UGT3A1: variants seen among roughly 807,000 people sequenced by gnomAD.
The protein encoded by UGT3A1 is UDP-glycosyltransferase 3A1.
In UGT3A1, 40 loss-of-function variants were observed where a neutral mutation model predicts 37.6. That is an observed-to-expected ratio of 1.06 (90% confidence interval 0.83 to 1.38). The LOEUF (loss-of-function observed/expected upper bound fraction) is 1.38. UGT3A1 is among the 40% of genes most tolerant of loss of function. UGT3A1 has a pLI of 0.00. For synonymous variants in UGT3A1, 256 were observed against 232.3 expected (o/e 1.10, Z -0.93); for missense variants, 642 against 634.2 (o/e 1.01, Z -0.13).
intron 2 of UGT3A1, among the ~76,000 whole-genome samples, chr5:35,974,011 A>G (rs1315077881): frequency 6.6e-6 from 1 of 152,170 alleles, no homozygotes; most frequent in Admixed American, 6.6e-5. Context: ...GATTAAACAA[A>G]AGTATAACTT....
rs749443207 is a variant in UGT3A1, at chr5:35,954,291, G to A, written c.1483C>T (p.Leu495Phe). The change falls in exon 7 of 7, where the codon CTC (leucine) becomes TTC (phenylalanine). Residue 495 changes from leucine to phenylalanine, a missense_variant. Leu to Phe is a conservative substitution (Grantham distance 22). Transcript: ENST00000274278. ...LIDVFVFLLGLTLGTMWLCGK... is the reference protein window; with the variant it reads ...LIDVFVFLLGFTLGTMWLCGK... ...CAAAGCCACATAGTGCCCAGAGTGAGCCCCAGCAGAAACACAAAGACATCA... is the reference window on the plus strand; with the variant it reads ...CAAAGCCACATAGTGCCCAGAGTGAACCCCAGCAGAAACACAAAGACATCA... 4.3e-6 allele frequency: 7 copies of A among 1,614,146 alleles called. No individual in the cohort carries two copies. In the South Asian group the frequency reaches 7.7e-5, roughly 18 times the overall value.
rs1324559471 is a variant in UGT3A1 at position 35,955,390 on chromosome 5, ATCAG to A, written c.1295+251_1295+254del. On this transcript the variant is annotated intron_variant, in intron 6 of 6. Transcript: ENST00000274278. The stretch of plus-strand genomic sequence containing the variant: ...CACTAGAGGGACTCCCAAATATAAG[ATCAG>A]TCAAAGAGATCATGTGTATATAATT... The A allele has an allele frequency of 1.2e-5, 7 of 592,368 alleles. No homozygotes were observed. In the East Asian group the frequency reaches 1.9e-4, roughly 16 times the overall value. 36.7% of individuals were successfully genotyped at this position (592,368 alleles called of 1,614,324 possible). A position where few individuals can be genotyped will look rare whatever the true frequency, so the allele number is the denominator to read the frequency against.
chr5:35,960,420 G>T (rs929570559), intron 4 of UGT3A1, among the ~76,000 whole-genome samples: 4 of 152,194 alleles, frequency 2.6e-5, no homozygotes, highest in African/African-American at 9.6e-5. Context: ...AAATGGGAAA[G>T]TTCCCTGACC....
rs2149943342 is a variant in UGT3A1 at position 35,952,958 on chromosome 5, T to C, written c.*1244A>G. On this transcript the variant is annotated 3_prime_UTR_variant, in exon 7 of 7. Coordinates refer to ENST00000274278, the MANE Select transcript of UGT3A1 (RefSeq NM_152404.4). Reference sequence around the variant, plus strand: ...TTCTGCAGGAGCATTTGTAACAGTTTCATCTTTTGATCTGAATTGTTTCAA... The same window carrying C: ...TTCTGCAGGAGCATTTGTAACAGTTCCATCTTTTGATCTGAATTGTTTCAA... 6.6e-6 allele frequency: 1 copy of C among 152,346 alleles called. No individual in the cohort carries two copies. Among genetic ancestry groups the C allele is most frequent in the South Asian group, 2.1e-4 (1 of 4,824 alleles). 9.4% of individuals were successfully genotyped at this position (152,346 alleles called of 1,614,324 possible).
At chr5:35,990,473 C>T (rs1175765450) in intron 1 of UGT3A1, among the ~76,000 whole-genome samples, 1 of 151,980 alleles carries the variant, frequency 6.6e-6, no homozygotes, top group Non-Finnish European at 1.5e-5. Flanking sequence ...AAAACTGAGG[C>T]CCAAAATGCA....
rs575943225 is a variant in UGT3A1 at position 35,966,215 on chromosome 5, T to C, written c.312-298A>G. 2.0e-5 allele frequency among the ~76,000 whole-genome samples: 3 copies of C among 152,352 alleles called. No homozygotes were observed. In the East Asian group the frequency reaches 5.8e-4, roughly 29 times the overall value. Reference sequence around the variant, plus strand: ...GAGCCATCTCTGACCACAGCAGATCTCAGAGTTATATGTCTCCTTTATAAA... The same window carrying C: ...GAGCCATCTCTGACCACAGCAGATCCCAGAGTTATATGTCTCCTTTATAAA... On this transcript the variant is annotated intron_variant, in intron 3 of 6. Transcript: ENST00000274278.
Position 35,953,851 on chromosome 5 carries a change from T to G in UGT3A1, c.*351A>C. ...GATATGTCAAATATTTCCTGAGTTT[T>G]TTTATGAAAAGTGATAGAAGGAGAA... On this transcript the variant is annotated 3_prime_UTR_variant, in exon 7 of 7. Coordinates refer to ENST00000274278, the MANE Select transcript of UGT3A1 (RefSeq NM_152404.4). The G allele has an allele frequency of 4.9e-6, 1 of 203,016 alleles. No homozygotes were observed. 12.6% of individuals were successfully genotyped at this position (203,016 alleles called of 1,614,324 possible).
At chr5:35,972,824 C>A (rs1005182637) in intron 2 of UGT3A1, among the ~76,000 whole-genome samples, 14 of 150,906 alleles carry the variant, frequency 9.3e-5, no homozygotes, top group African/African-American at 3.2e-4. Flanking sequence ...AGAATGAGAT[C>A]AAGGCTTTAA....
In UGT3A1 at chr5:35,981,511, T is replaced by C. The variant is rs142417258; in HGVS notation, c.196+6939A>G. On this transcript the variant is annotated intron_variant, in intron 2 of 6. Transcript: ENST00000274278. ...TGGCACTGTGACCTTGCTCTAGAGA[T>C]CTGTGAAACTTTGAACTTGAGAGAG... Among the ~76,000 whole-genome samples the C allele has an allele frequency of 5.8e-3, 876 of 152,310 alleles. 14 individuals are homozygous for C. The highest frequency in any genetic ancestry group is 0.048 in the Middle Eastern group (14 of 294).
upstream of UGT3A1, among the ~76,000 whole-genome samples, chr5:35,991,859 TA>T (rs1561475171): frequency 6.6e-6 from 1 of 152,234 alleles, no homozygotes; most frequent in African/African-American, 2.4e-5. Flanking sequence ...AGTAGTGTTC[TA>T]ATTCTGAAAG....
At position 35,954,037 on chromosome 5, in the gene UGT3A1, G is replaced by T; in HGVS notation, c.*165C>A. 1 of 748,054 alleles carries T rather than the reference G, an allele frequency of 1.3e-6. No homozygotes were observed. The highest frequency in any genetic ancestry group is 2.1e-6 in the Non-Finnish European group (1 of 473,100). The allele number at this position is 748,054 out of a possible 1,614,324, so 46.3% of individuals were successfully genotyped here. On this transcript the variant is annotated 3_prime_UTR_variant, in exon 7 of 7. Coordinates refer to ENST00000274278, the MANE Select transcript of UGT3A1 (RefSeq NM_152404.4). ...AAGGGGCAAGTCAAGAAGCCTCAGT[G>T]GTGCGTGAAGATTTCTAAACAGAGG...
At chr5:35,955,575 A>T (rs1739318755) in intron 6 of UGT3A1, 70 bp downstream of exon 6, 6 of 1,551,808 alleles carry the variant, frequency 3.9e-6, no homozygotes, top group Non-Finnish European at 5.3e-6. Context: ...TGAAAAATAC[A>T]TACACAGTAT....
At chr5:35,980,125 G>A (rs1740460523) in intron 2 of UGT3A1, among the ~76,000 whole-genome samples, 1 of 151,920 alleles carries the variant, frequency 6.6e-6, no homozygotes, top group Admixed American at 6.6e-5. Flanking sequence ...TTACATATAT[G>A]CAGTTTATTA....
At chr5:35,973,733 T>C (rs990483516) in intron 2 of UGT3A1, among the ~76,000 whole-genome samples, 1 of 152,184 alleles carries the variant, frequency 6.6e-6, no homozygotes, top group Non-Finnish European at 1.5e-5. Flanking sequence ...GGGTCAGAAA[T>C]TATGATGCCC....
At chr5:35,983,213 TAAC>T (rs1444145418) in intron 2 of UGT3A1, among the ~76,000 whole-genome samples, 2 of 151,436 alleles carry the variant, frequency 1.3e-5, no homozygotes, top group Non-Finnish European at 2.9e-5. Flanking sequence ...AAAAAAGATA[TAAC>T]AACAGAGACC....
intron 5 of UGT3A1, 55 bp from the exon 6 acceptor site, chr5:35,955,919 C>T (rs1003741277): frequency 6.4e-7 from 1 of 1,564,646 alleles, no homozygotes; most frequent in Non-Finnish European, 8.8e-7. Flanking sequence ...TTTTGGAATA[C>T]CAGGTAAAGC....
intron 3 of UGT3A1, among the ~76,000 whole-genome samples, chr5:35,967,263 G>A (rs1272273483): frequency 1.3e-5 from 2 of 152,224 alleles, no homozygotes; most frequent in Admixed American, 1.3e-4. Context: ...TCCAGCTTGA[G>A]TGAGGAAGCA....
chr5:35,971,493 T>C (rs923428752), intron 2 of UGT3A1, among the ~76,000 whole-genome samples: 11 of 133,840 alleles, frequency 8.2e-5, no homozygotes, highest in East Asian at 7.3e-4. Flanking sequence ...CACACACACA[T>C]ACACAAATGT....
At chr5:35,957,526 T>C in intron 4 of UGT3A1, 107 bp from the exon 5 acceptor site, 1 of 858,132 alleles carries the variant, frequency 1.2e-6, no homozygotes, top group Admixed American at 2.3e-5. Flanking sequence ...ATCAGTGCCT[T>C]GTCTTCACTC....
Sources: allele counts gnomAD v4.1 joint callset (sites outside exome capture counted in the v4.1 genomes callset), GRCh38; gene constraint gnomAD v4.1.1; transcripts MANE v1.5; gene names NCBI Gene and HGNC (gene_info 2026-07-23, HGNC 2026-07-21).